Variants in CTDSPL observed in about 807,000 individuals in gnomAD.
CTDSPL encodes the protein CTD small phosphatase like.
In CTDSPL, 8 loss-of-function variants were observed where a neutral mutation model predicts 30.5. The ratio of observed to expected loss-of-function variants is 0.26; its 90% confidence interval spans 0.15 to 0.47. CTDSPL has a LOEUF of 0.47. CTDSPL is among the 20% of genes least tolerant of loss of function. The probability of loss-of-function intolerance (pLI) is 0.99; values close to 1 mark genes in which losing one functional copy is unlikely to be tolerated. For missense variants in CTDSPL, 248 were observed against 366.1 expected (o/e 0.68, Z 2.63); for synonymous variants, 110 against 137.9 (o/e 0.80, Z 1.42).
intron 1 of CTDSPL, among the ~76,000 whole-genome samples, chr3:37,892,456 A>G (rs185374135): frequency 6.6e-6 from 1 of 152,306 alleles, no homozygotes; most frequent in East Asian, 1.9e-4. Context: ...TTTTTTTAAT[A>G]CCTGTAAAGG....
At chr3:37,900,964 T>C (rs1014065977) in intron 1 of CTDSPL, among the ~76,000 whole-genome samples, 6 of 152,088 alleles carry the variant, frequency 3.9e-5, no homozygotes, top group African/African-American at 1.4e-4. Flanking sequence ...CGCCGGCTAA[T>C]TTTTGTATTT....
intron 1 of CTDSPL, among the ~76,000 whole-genome samples, chr3:37,875,783 T>C (rs932956061): frequency 2.0e-5 from 3 of 152,262 alleles, no homozygotes; most frequent in Admixed American, 6.5e-5. Context: ...ATTTTTGTTT[T>C]AGTTAGAATT....
Position 37,982,035 on chromosome 3 carries a change from G to A in CTDSPL, c.*1168G>A, listed in dbSNP as rs1028862584. On this transcript the variant is annotated 3_prime_UTR_variant, in exon 8 of 8. Transcript: ENST00000273179. ...CACCTGTAACCCCTTCCTGGCATTGGCCACTGAAGGGTACAAAGGCAAAAG... is the reference window on the plus strand; with the variant it reads ...CACCTGTAACCCCTTCCTGGCATTGACCACTGAAGGGTACAAAGGCAAAAG... 1 of 385,234 alleles carries A rather than the reference G, an allele frequency of 2.6e-6. No individual in the cohort carries two copies. Among genetic ancestry groups the A allele is most frequent in the Non-Finnish European group, 5.2e-6 (1 of 192,300 alleles). 23.9% of individuals were successfully genotyped at this position (385,234 alleles called of 1,614,324 possible).
chr3:37,903,174 G>A (rs183554195), intron 1 of CTDSPL, among the ~76,000 whole-genome samples: 46 of 152,312 alleles, frequency 3.0e-4, no homozygotes, highest in African/African-American at 1.1e-3. Context: ...TGAAAAGATG[G>A]AGGAGAGGAC....
intron 3 of CTDSPL, among the ~76,000 whole-genome samples, chr3:37,960,019 C>T (rs944635395): frequency 6.6e-6 from 1 of 152,170 alleles, no homozygotes; most frequent in Non-Finnish European, 1.5e-5. Context: ...GCCTGGGCAA[C>T]ATGGTGAAAC....
intron 1 of CTDSPL, among the ~76,000 whole-genome samples, chr3:37,927,632 ATATATGTG>A (rs1398025884): frequency 1.3e-4 from 11 of 83,916 alleles, no homozygotes; most frequent in African/African-American, 5.7e-4. Context: ...TAAAAGAAAA[ATATATGTG>A]TGTGTGTGTG....
At position 37,983,895 on chromosome 3, in the gene CTDSPL, T is replaced by C. The variant is rs1392434888; in HGVS notation, c.*3028T>C. ...CGTGGTGCAATTTTGATGAGATGTC[T>C]CTGGGGACACGAGGATGCCCTAATG... On this transcript the variant is annotated 3_prime_UTR_variant, in exon 8 of 8. Coordinates refer to ENST00000273179, the MANE Select transcript of CTDSPL (RefSeq NM_001008392.2). 1.0e-5 allele frequency: 2 copies of C among 193,382 alleles called. No individual in the cohort carries two copies. Among genetic ancestry groups the C allele is most frequent in the Non-Finnish European group, 2.2e-5 (2 of 89,750 alleles). The allele number at this position is 193,382 out of a possible 1,614,324, so 12.0% of individuals were successfully genotyped here.
intron 1 of CTDSPL, among the ~76,000 whole-genome samples, chr3:37,885,056 A>G (rs1698248722): frequency 6.6e-6 from 1 of 152,204 alleles, no homozygotes; most frequent in South Asian, 2.1e-4. Context: ...AGGGTGGCCC[A>G]GCAGGCTTCA....
chr3:37,980,144 C>G (rs566236107), intron 7 of CTDSPL, among the ~76,000 whole-genome samples: 2 of 152,292 alleles, frequency 1.3e-5, no homozygotes, highest in African/African-American at 4.8e-5. Context: ...GGCTACCACC[C>G]CTCCCCACTC....
At chr3:37,882,067 G>A (rs956127070) in intron 1 of CTDSPL, among the ~76,000 whole-genome samples, 1 of 152,198 alleles carries the variant, frequency 6.6e-6, no homozygotes, top group Non-Finnish European at 1.5e-5. Context: ...CAACACTTTG[G>A]GAGGCAAAGG....
At chr3:37,972,475 G>A (rs1172349214) in intron 6 of CTDSPL, among the ~76,000 whole-genome samples, 2 of 152,178 alleles carry the variant, frequency 1.3e-5, no homozygotes, top group African/African-American at 4.8e-5. Flanking sequence ...CTGGGCGACA[G>A]TGACTCCGTC....
At chr3:37,972,759 A>G (rs925431362) in intron 6 of CTDSPL, among the ~76,000 whole-genome samples, 1 of 152,038 alleles carries the variant, frequency 6.6e-6, no homozygotes, top group Non-Finnish European at 1.5e-5. Flanking sequence ...TGCCTTGACC[A>G]TTTCCCAAAC....
At chr3:37,932,977 A>T (rs1219567278) in intron 1 of CTDSPL, among the ~76,000 whole-genome samples, 1 of 151,958 alleles carries the variant, frequency 6.6e-6, no homozygotes, top group Non-Finnish European at 1.5e-5. Context: ...ACATGGTGAA[A>T]CCCTGTCTCT....
chr3:37,894,511 A>G (rs747668762), intron 1 of CTDSPL, among the ~76,000 whole-genome samples: 6 of 152,004 alleles, frequency 3.9e-5, no homozygotes, highest in Non-Finnish European at 7.4e-5. Flanking sequence ...GTAATGTATA[A>G]TTTTCCTTTG....
intron 4 of CTDSPL, 42 bp from the exon 5 acceptor site, chr3:37,967,784 T>G: frequency 7.0e-7 from 1 of 1,426,978 alleles, no homozygotes; most frequent in Non-Finnish European, 9.6e-7. Context: ...AGAGTTTTTT[T>G]GTTCCTTCAG....
intron 3 of CTDSPL, among the ~76,000 whole-genome samples, chr3:37,960,707 G>A (rs1004629301): frequency 1.3e-5 from 2 of 151,218 alleles, no homozygotes; most frequent in Middle Eastern, 3.2e-3. Flanking sequence ...TCCAGCCTGG[G>A]CTACAGAGCC....
chr3:37,913,402 C>T (rs1377244009), intron 1 of CTDSPL, among the ~76,000 whole-genome samples: 1 of 152,192 alleles, frequency 6.6e-6, no homozygotes, highest in Non-Finnish European at 1.5e-5. Flanking sequence ...AATGAGCAAA[C>T]AGAGCAAGAC....
intron 3 of CTDSPL, among the ~76,000 whole-genome samples, chr3:37,963,374 T>C (rs1249471595): frequency 6.6e-6 from 1 of 152,198 alleles, no homozygotes. Context: ...AATTAACTTT[T>C]GATCACTGAC....
intron 1 of CTDSPL, among the ~76,000 whole-genome samples, chr3:37,905,654 C>T (rs527924052): frequency 2.0e-5 from 3 of 152,206 alleles, no homozygotes; most frequent in Non-Finnish European, 4.4e-5. Context: ...TCCAGACCTA[C>T]TTGTGTTTGC....
Sources: allele counts gnomAD v4.1 joint callset (sites outside exome capture counted in the v4.1 genomes callset), GRCh38; gene constraint gnomAD v4.1.1; transcripts MANE v1.5; gene names NCBI Gene and HGNC (gene_info 2026-07-23, HGNC 2026-07-21).